The following MED20 variants were observed in gnomAD, a reference collection of about 807,000 sequenced individuals.
MED20 encodes mediator of RNA polymerase II transcription subunit 20.
MED20 carries 19 observed loss-of-function variants against 19.7 expected under a neutral mutation model. That is an observed-to-expected ratio of 0.96 (90% CI 0.67 to 1.42). The LOEUF (loss-of-function observed/expected upper bound fraction) is 1.42. MED20 is among the 40% of genes most tolerant of loss of function. The pLI is 0.00. For synonymous variants in MED20, 105 were observed against 104.8 expected, an observed-to-expected ratio of 1.00 and a Z score of -0.01; for missense variants, 225 against 273.0, an observed-to-expected ratio of 0.82 and a Z score of 1.24.
chr6:41,915,789 A>AACACACACACACACACACACAC (rs34924867), intron 2 of MED20, among the ~76,000 whole-genome samples: 32,971 of 148,378 alleles, frequency 0.22, 3,908 homozygotes, highest in East Asian at 0.3. Flanking sequence ...TCCGTCTCAA[A>AACACACACACACACACACACAC]ACACACACAC....
At chr6:41,911,422 A>T (rs2127376597) in intron 2 of MED20, among the ~76,000 whole-genome samples, 1 of 152,204 alleles carries the variant, frequency 6.6e-6, no homozygotes. Context: ...AAGGGCTGGG[A>T]TTCCAGGCAT....
chr6:41,912,073 C>A (rs1300021293), intron 2 of MED20, among the ~76,000 whole-genome samples: 4 of 149,470 alleles, frequency 2.7e-5, no homozygotes, highest in African/African-American at 9.9e-5. Context: ...TTTTGAGACA[C>A]GGTGTTGCTC....
chr6:41,919,021 C>T (rs1775390968), intron 1 of MED20, among the ~76,000 whole-genome samples: 1 of 146,438 alleles, frequency 6.8e-6, no homozygotes, highest in African/African-American at 2.5e-5. Context: ...CCCAGCTACT[C>T]GGGAGGCTGA....
chr6:41,917,826 T>C (rs1775354882), intron 1 of MED20: 1 of 469,608 alleles, frequency 2.1e-6, no homozygotes, highest in Non-Finnish European at 4.4e-6. Flanking sequence ...TTCAGCACAG[T>C]AGCCCAGAGC....
intron 1 of MED20, among the ~76,000 whole-genome samples, chr6:41,918,670 G>A (rs1463416311): frequency 2.6e-4 from 38 of 145,020 alleles, no homozygotes; most frequent in Non-Finnish European, 3.0e-4. Context: ...AAAAATGGCC[G>A]GGCGCGGTGG....
intron 1 of MED20, among the ~76,000 whole-genome samples, chr6:41,918,476 C>T (rs1422010368): frequency 6.6e-6 from 1 of 150,532 alleles, no homozygotes; most frequent in Non-Finnish European, 1.5e-5. Flanking sequence ...TGCCCTCCAG[C>T]CTGGACAACA....
chr6:41,908,426 G>GAC (rs1444308237), intron 3 of MED20, among the ~76,000 whole-genome samples: 1 of 152,056 alleles, frequency 6.6e-6, no homozygotes, highest in African/African-American at 2.4e-5. Context: ...TGTATACACA[G>GAC]ACACACACAC....
At chr6:41,912,199 C>CTTTTTT (rs887419565) in intron 2 of MED20, among the ~76,000 whole-genome samples, 2 of 119,294 alleles carry the variant, frequency 1.7e-5, no homozygotes, top group African/African-American at 3.5e-5. Context: ...CCATGCCCAC[C>CTTTTTT]TTTTTTTTTT....
intron 2 of MED20, among the ~76,000 whole-genome samples, chr6:41,911,225 A>G (rs1775187052): frequency 6.7e-6 from 1 of 149,482 alleles, no homozygotes; most frequent in Admixed American, 6.7e-5. Flanking sequence ...ATCTTGGCTC[A>G]CTGCAACCTC....
intron 2 of MED20, among the ~76,000 whole-genome samples, chr6:41,913,626 G>A (rs1263032827): frequency 1.3e-5 from 2 of 152,172 alleles, no homozygotes; most frequent in African/African-American, 2.4e-5. Flanking sequence ...CAGGCTGGGT[G>A]CAGTGGCTCA....
chr6:41,908,986 C>T (rs961543613), intron 3 of MED20: 4 of 443,344 alleles, frequency 9.0e-6, no homozygotes, highest in South Asian at 5.3e-5. Flanking sequence ...AGTCTGAGAT[C>T]AGCCTGGGCA....
chr6:41,915,597 C>A (rs746885027), intron 2 of MED20, among the ~76,000 whole-genome samples: 2 of 152,194 alleles, frequency 1.3e-5, no homozygotes, highest in Non-Finnish European at 2.9e-5. Flanking sequence ...ACCATCCTGG[C>A]TAACACGGTG....
Position 41,907,288 on chromosome 6 carries a change from C to G in MED20, c.424-1G>C. On this transcript the variant is annotated splice_acceptor_variant, in intron 3 of 3. Transcript: ENST00000265350. LOFTEE classifies it high-confidence loss of function. ...CTACCACACAGGGGCCATACTCCACCTGGGAACCAAAAGCACAGAGAATGA... is the reference window on the plus strand; with the variant it reads ...CTACCACACAGGGGCCATACTCCACGTGGGAACCAAAAGCACAGAGAATGA... 6.2e-7 allele frequency: 1 copy of G among 1,609,486 alleles called. No individual in the cohort carries two copies. Among genetic ancestry groups the G allele is most frequent in the Non-Finnish European group, 8.5e-7 (1 of 1,177,726 alleles).
Position 41,920,916 on chromosome 6 carries a change from T to C in MED20, c.14+89A>G, listed in dbSNP as rs1232345988. 3.3e-6 allele frequency: 5 copies of C among 1,521,210 alleles called. No homozygotes were observed. In the South Asian group the frequency reaches 4.9e-5, roughly 15 times the overall value. The allele number at this position is 1,521,210 out of a possible 1,614,324, so 94.2% of individuals were successfully genotyped here. A position where few individuals can be genotyped will look rare whatever the true frequency, so the allele number is the denominator to read the frequency against. On this transcript the variant is annotated intron_variant, in intron 1 of 3. Coordinates refer to ENST00000265350, the MANE Select transcript of MED20 (RefSeq NM_004275.5). ...ACAACCCGAGGACATCTCCCTCAGCTCCCAGAGGACGGCGGACCATGGTCA... is the reference window on the plus strand; with the variant it reads ...ACAACCCGAGGACATCTCCCTCAGCCCCCAGAGGACGGCGGACCATGGTCA...
intron 3 of MED20, among the ~76,000 whole-genome samples, chr6:41,908,515 A>T (rs980101837): frequency 6.6e-6 from 1 of 152,214 alleles, no homozygotes; most frequent in African/African-American, 2.4e-5. Context: ...GCATGTCAAA[A>T]GGAAAAGCAC....
intron 1 of MED20, among the ~76,000 whole-genome samples, chr6:41,917,265 T>C (rs918050501): frequency 2.0e-5 from 3 of 152,036 alleles, no homozygotes; most frequent in African/African-American, 7.3e-5. Flanking sequence ...CTGGGCGTGG[T>C]AGCGGACGCC....
chr6:41,911,108 A>C (rs1304786522), intron 2 of MED20, among the ~76,000 whole-genome samples: 1 of 97,288 alleles, frequency 1.0e-5, no homozygotes, highest in Non-Finnish European at 2.7e-5. Flanking sequence ...CTCCATCTCA[A>C]AAAAAAAAAA....
chr6:41,913,334 C>G (rs535474418), intron 2 of MED20, among the ~76,000 whole-genome samples: 3 of 152,274 alleles, frequency 2.0e-5, no homozygotes, highest in Non-Finnish European at 2.9e-5. Context: ...GTTTATTGCT[C>G]TTTCCTGCCT....
chr6:41,908,597 C>T (rs3806113), intron 3 of MED20, among the ~76,000 whole-genome samples: 28,152 of 152,154 alleles, frequency 0.19, 3,176 homozygotes, highest in East Asian at 0.29. Flanking sequence ...TAGGGCCCAC[C>T]GCCAGAAAAT....
Sources: allele counts gnomAD v4.1 joint callset (sites outside exome capture counted in the v4.1 genomes callset), GRCh38; gene constraint gnomAD v4.1.1; transcripts MANE v1.5; gene names NCBI Gene and HGNC (gene_info 2026-07-23, HGNC 2026-07-21).